RASGRP4: variants seen among roughly 807,000 people sequenced by gnomAD.
RASGRP4 encodes RAS guanyl-releasing protein 4.
Under a neutral mutation model 84.4 loss-of-function variants are expected in RASGRP4, and 52 were observed. The observed-to-expected ratio is 0.62, with a 90% CI of 0.49 to 0.78. RASGRP4 has a LOEUF of 0.78. RASGRP4 is among the 30% of genes least tolerant of loss of function. RASGRP4 has a pLI of 0.00. For synonymous variants in RASGRP4, 356 were observed against 359.1 expected (o/e 0.99, Z 0.10); for missense variants, 760 against 886.9 (o/e 0.86, Z 1.82).
intron 16 of RASGRP4, among the ~76,000 whole-genome samples, 158 bp from the exon 17 acceptor site, chr19:38,410,254 C>G (rs1971173584): frequency 6.6e-6 from 1 of 152,144 alleles, no homozygotes; most frequent in Admixed American, 6.5e-5. Context: ...ATCTGAGAGT[C>G]TCTGCCCTCA....
In RASGRP4 at chr19:38,413,454, G is replaced by A. The variant is rs765906675; in HGVS notation, c.1251C>T (p.Tyr417=). The A allele has an allele frequency of 1.2e-6, 2 of 1,600,278 alleles. No homozygotes were observed. The change falls in exon 10 of 17, where the codon TAC becomes TAT. Residue 417 remains tyrosine (Y), a synonymous_variant. Transcript: ENST00000615439. This position sits in a 1 kb window ranked among gnomAD's most constrained non-coding sequence, Gnocchi z 4.7. ...AAAGCTCATAGATCTCGTCTTCCGT[G>A]TAGAAGAGGTCCAGGGAGAGCTGGA... ...HLLTLSLDLF[Y]TEDEIYELSY...
intron 4 of RASGRP4, among the ~76,000 whole-genome samples, chr19:38,420,554 G>A (rs894390310): frequency 2.0e-5 from 3 of 151,408 alleles, no homozygotes; most frequent in African/African-American, 7.3e-5. Flanking sequence ...TAGACTGGGG[G>A]CTTCCGGGGG....
At chr19:38,424,019 T>C (rs1971877984) in intron 1 of RASGRP4, among the ~76,000 whole-genome samples, 1 of 152,198 alleles carries the variant, frequency 6.6e-6, no homozygotes, top group Non-Finnish European at 1.5e-5. Flanking sequence ...TTGCCAGCTG[T>C]TGTGACTTCG....
Position 38,413,278 on chromosome 19 carries a change from G to T in RASGRP4, c.1331C>A (p.Ala444Glu), listed in dbSNP as rs1446008015. The change falls in exon 11 of 17, where the codon GCA (alanine) becomes GAA (glutamate). Residue 444 changes from alanine (A) to glutamate (E), a missense_variant. Coordinates refer to ENST00000615439, the MANE Select transcript of RASGRP4 (RefSeq NM_170604.3). This position sits in a 1 kb window ranked among gnomAD's most constrained non-coding sequence, Gnocchi z 4.7. ...AGGGGCCCACTCCACCACCAGAGGT[G>T]CATTGAAGGGGGAGGGTGGCTGGGG... ...PKSLPPSPFN[A>E]PLVVEWAPGV... 2.5e-6 allele frequency: 4 copies of T among 1,613,642 alleles called. No individual in the cohort carries two copies. Among genetic ancestry groups the T allele is most frequent in the Admixed American group, 3.3e-5 (2 of 59,990 alleles).
chr19:38,411,408 C>G, intron 13 of RASGRP4, 27 bp from the exon 14 acceptor site: 1 of 1,525,448 alleles, frequency 6.6e-7, no homozygotes, highest in Non-Finnish European at 8.8e-7. Context: ...GAAAAGGTTA[C>G]CCATCCTAGG....
rs1340518334 is a variant in RASGRP4, at chr19:38,420,292, G to T, written c.378-30C>A. On this transcript the variant is annotated intron_variant, in intron 4 of 16. Transcript: ENST00000615439. The stretch of plus-strand genomic sequence containing the variant: ...GAGTGGTTTGGAGATGGTGAGATGA[G>T]GCCGGGGGTGGCGAAGGTCTCTACA... The T allele has an allele frequency of 3.1e-6, 5 of 1,607,278 alleles. No individual in the cohort carries two copies. The African/African-American group carries it at 4.0e-5, about 13-fold the overall frequency.
chr19:38,423,586 C>T (rs1009293705), intron 1 of RASGRP4, among the ~76,000 whole-genome samples: 1 of 151,850 alleles, frequency 6.6e-6, no homozygotes, highest in Admixed American at 6.6e-5. Context: ...CCTGTAGTCC[C>T]AGCACTTTGG....
chr19:38,421,631 G>A (rs11883126), intron 2 of RASGRP4, among the ~76,000 whole-genome samples: 7,329 of 151,984 alleles, frequency 0.048, 292 homozygotes, highest in African/African-American at 0.11. Flanking sequence ...AGAATCTCTT[G>A]AACCCAGGAG....
chr19:38,415,433 C>T (rs1971460083), intron 8 of RASGRP4, among the ~76,000 whole-genome samples: 2 of 141,432 alleles, frequency 1.4e-5, no homozygotes, highest in Admixed American at 7.4e-5. Flanking sequence ...AGTGCAGTGG[C>T]GTGATCTCGG....
rs1280785149 is a variant in RASGRP4 at position 38,412,087 on chromosome 19, TTG to T, written c.1680+583_1680+584del. Among the ~76,000 whole-genome samples, 16 of 71,902 alleles carry T rather than the reference TTG, an allele frequency of 2.2e-4. 1 individual carries two copies. Among genetic ancestry groups the T allele is most frequent in the East Asian group, 7.9e-4 (2 of 2,526 alleles). The allele number at this position is 71,902 out of a possible 152,430, so 47.2% of individuals were successfully genotyped here. Reference sequence around the variant, plus strand: ...CCGGTTTGGAGATTATCCAGGTTTGTTGTTGTTGTTGTTGTTGTTGTTGTTGT... The same window carrying T: ...CCGGTTTGGAGATTATCCAGGTTTGTTTGTTGTTGTTGTTGTTGTTGTTGT... On this transcript the variant is annotated intron_variant, in intron 13 of 16. Coordinates refer to ENST00000615439, the MANE Select transcript of RASGRP4 (RefSeq NM_170604.3). The surrounding 1 kb of genome is among the most constrained non-coding windows in gnomAD (Gnocchi z 4.6).
chr19:38,422,104 G>A lies in RASGRP4; in HGVS notation c.73C>T (p.Arg25Cys), dbSNP rs776089203. 8.1e-6 allele frequency: 13 copies of A among 1,613,178 alleles called. No individual in the cohort carries two copies. Among genetic ancestry groups the A allele is most frequent in the South Asian group, 5.5e-5 (5 of 91,072 alleles). The change falls in exon 2 of 17, where the codon CGC becomes TGC. Residue 25 changes from arginine (R) to cysteine (C), a missense_variant. By Grantham distance (180) the Arg-to-Cys change is radical (BLOSUM62 -3). Coordinates refer to ENST00000615439, the MANE Select transcript of RASGRP4 (RefSeq NM_170604.3). ...TGKIGGRGRP[R>C]QVRRHKTCPS... Reference sequence around the variant, plus strand: ...CATGTCTTGTGGCGGCGCACTTGGCGGGGCCGGCCTCGCCCTCCTATTTTT... The same window carrying A: ...CATGTCTTGTGGCGGCGCACTTGGCAGGGCCGGCCTCGCCCTCCTATTTTT...
At position 38,409,122 on chromosome 19, in the gene RASGRP4, T is replaced by G. The variant is rs1600535359; in HGVS notation, c.*918A>C. The G allele has an allele frequency of 1.1e-5, 4 of 351,116 alleles. No individual in the cohort carries two copies. The highest frequency in any genetic ancestry group is 9.2e-5 in the Admixed American group (2 of 21,678). The allele number at this position is 351,116 out of a possible 1,614,324, so 21.8% of individuals were successfully genotyped here. A position where few individuals can be genotyped will look rare whatever the true frequency, so the allele number is the denominator to read the frequency against. On this transcript the variant is annotated 3_prime_UTR_variant, in exon 17 of 17. Transcript: ENST00000615439. ...CTCTCTGTGGGGGCCAAGTCAGGGG[T>G]GTTGGGGTTTGTGAAGGGGTTGGGG...
intron 4 of RASGRP4, among the ~76,000 whole-genome samples, chr19:38,420,525 C>T (rs201158905): frequency 2.0e-5 from 3 of 149,188 alleles, no homozygotes; most frequent in South Asian, 2.1e-4. Context: ...GAAGCAAGAT[C>T]GTGGAGCGTC....
At chr19:38,425,978 T>C in intron 1 of RASGRP4, 91 bp downstream of exon 1, 2 of 1,142,684 alleles carry the variant, frequency 1.8e-6, no homozygotes, top group Admixed American at 4.2e-5. Context: ...AAGTCAGGAA[T>C]CCTGCCACCC....
Position 38,421,995 on chromosome 19 carries a change from A to C in RASGRP4, c.182T>G (p.Leu61Arg), listed in dbSNP as rs1971773656. The change falls in exon 2 of 17, where the codon CTG becomes CGG. Residue 61 changes from leucine to arginine, a missense_variant. Physicochemically the swap from Leu to Arg is moderately radical, Grantham distance 102 (BLOSUM62 -2). Transcript: ENST00000615439. ...GAAGGACTGGATGCATTTCTCCAGCAGCTCATCTTCGCTGCAGCCGCCCTC... is the reference window on the plus strand; with the variant it reads ...GAAGGACTGGATGCATTTCTCCAGCCGCTCATCTTCGCTGCAGCCGCCCTC... The part of the protein sequence containing the change: ...LSEGGCSEDE[L>R]LEKCIQSFDS... The C allele has an allele frequency of 1.2e-6, 2 of 1,612,602 alleles. No homozygotes were observed. The highest frequency in any genetic ancestry group is 1.7e-6 in the Non-Finnish European group (2 of 1,179,442).
At position 38,420,975 on chromosome 19, in the gene RASGRP4, G is replaced by GTTC; in HGVS notation, c.315-8_315-6dup. 1 of 1,613,916 alleles carries GTTC rather than the reference G, an allele frequency of 6.2e-7. No homozygotes were observed. Among genetic ancestry groups the GTTC allele is most frequent in the Non-Finnish European group, 8.5e-7 (1 of 1,179,834 alleles). ...TCCCCTGTGGCCTTCTGGTATTTGA[G>GTTC]TTCTGGTCAAGGCTCTGTTTTCCAG... On this transcript the variant is annotated splice_polypyrimidine_tract_variant and splice_region_variant and intron_variant, in intron 3 of 16. Coordinates refer to ENST00000615439, the MANE Select transcript of RASGRP4 (RefSeq NM_170604.3).
chr19:38,423,474 C>T (rs942177358), intron 1 of RASGRP4, among the ~76,000 whole-genome samples: 1 of 151,260 alleles, frequency 6.6e-6, no homozygotes. Context: ...TGCAGTGAGC[C>T]GGAACTGCAT....
rs573161752 is a variant in RASGRP4 at position 38,419,633 on chromosome 19, C to T, written c.663+227G>A. The stretch of plus-strand genomic sequence containing the variant: ...ATTTTTAGTAGAGATGGGGTTTCAC[C>T]ATGTTGGCCAGGCTGGTCTCAAACT... On this transcript the variant is annotated intron_variant, in intron 6 of 16. Transcript: ENST00000615439. Among the ~76,000 whole-genome samples the T allele has an allele frequency of 3.9e-5, 6 of 152,296 alleles. No homozygotes were observed. In the South Asian group the frequency reaches 1.2e-3, roughly 32 times the overall value.
chr19:38,416,463 CAAAAAAAAAA>C (rs765219678), intron 8 of RASGRP4, among the ~76,000 whole-genome samples: 6 of 58,656 alleles, frequency 1.0e-4, no homozygotes, highest in African/African-American at 2.0e-4. Context: ...GACTCTGTCT[CAAAAAAAAAA>C]AAAAAAAAAA....
Sources: gnomAD v4.1 joint callset for allele counts (sites outside exome capture counted in the v4.1 genomes callset) on GRCh38, gnomAD v4.1.1 for gene constraint, Gnocchi (gnomAD v3.1) non-coding constraint, MANE v1.5 for transcripts, NCBI Gene and HGNC (gene_info 2026-07-23, HGNC 2026-07-21) for gene names.